The following LRP2 variants were observed in gnomAD, a reference collection of about 807,000 sequenced individuals.
LRP2 encodes low-density lipoprotein receptor-related protein 2.
A neutral mutation model predicts 531.0 loss-of-function variants in LRP2; 172 were observed. The ratio of observed to expected loss-of-function variants is 0.32; its 90% CI spans 0.29 to 0.37. The LOEUF (loss-of-function observed/expected upper bound fraction) is 0.37, where lower values mean the gene tolerates loss of function less well. LRP2 is among the 10% of genes least tolerant of loss of function. LRP2 has a pLI of 1.00. For missense variants in LRP2, 5,167 were observed against 5,868.3 expected, an observed-to-expected ratio of 0.88 and a Z score of 3.90; for synonymous variants, 1,992 against 2,027.6, an observed-to-expected ratio of 0.98 and a Z score of 0.47.
In LRP2 at chr2:169,142,585, A is replaced by G. The variant is rs1318785812; in HGVS notation, c.13108+89T>C. ...TCCAGCCATCCCCACTCTGCTGCAA[A>G]GGACCCAGCATACAGGGATTCTTCT... On this transcript the variant is annotated intron_variant, in intron 71 of 78. Transcript: ENST00000649046. 1.9e-6 allele frequency: 3 copies of G among 1,578,570 alleles called. No individual in the cohort carries two copies. The Admixed American group carries it at 5.0e-5, about 26-fold the overall frequency.
intron 23 of LRP2, 57 bp from the exon 24 acceptor site, chr2:169,243,129 C>A (rs1689869976): frequency 7.2e-7 from 1 of 1,380,120 alleles, no homozygotes; most frequent in Non-Finnish European, 1.0e-6. Flanking sequence ...TGACTAAACA[C>A]TGAGATTTTT....
intron 1 of LRP2, among the ~76,000 whole-genome samples, chr2:169,326,215 C>T (rs1345285978): frequency 8.4e-6 from 1 of 119,464 alleles, no homozygotes; most frequent in Admixed American, 8.4e-5. Flanking sequence ...TCTCCCCTCT[C>T]CCTCTCGGTC....
intron 52 of LRP2, among the ~76,000 whole-genome samples, chr2:169,179,767 T>A (rs1687357086): frequency 6.9e-6 from 1 of 145,302 alleles, no homozygotes; most frequent in Admixed American, 6.8e-5. Flanking sequence ...TCCAGTGATG[T>A]GTTGGTGCAT....
chr2:169,314,089 C>G (rs897996364), intron 3 of LRP2, among the ~76,000 whole-genome samples: 1 of 152,146 alleles, frequency 6.6e-6, no homozygotes, highest in African/African-American at 2.4e-5. Context: ...CAAAACTTAA[C>G]ATGAAAAACC....
intron 78 of LRP2, 54 bp from the exon 79 acceptor site, chr2:169,128,884 C>G: frequency 6.2e-7 from 1 of 1,602,042 alleles, no homozygotes; most frequent in African/African-American, 1.3e-5. Context: ...GGTCACCATA[C>G]ACGGTTTTTC....
intron 1 of LRP2, among the ~76,000 whole-genome samples, chr2:169,360,111 C>A: frequency 8.4e-6 from 1 of 118,352 alleles, no homozygotes. Context: ...GGTGACAGAG[C>A]GAGATTCTGT....
rs536784302 is a variant in LRP2, at chr2:169,248,906, C to T, written c.2771-1391G>A. On this transcript the variant is annotated intron_variant, in intron 19 of 78. Transcript: ENST00000649046. ...CCTGGAAAATCGGGTCACTCCCACC[C>T]GAATATTGCGCTTTTCAGACCGGCT... 8.6e-4 allele frequency among the ~76,000 whole-genome samples: 82 copies of T among 95,046 alleles called. 1 individual carries two copies. Among genetic ancestry groups the T allele is most frequent in the Non-Finnish European group, 1.3e-3 (63 of 47,646 alleles). 62.4% of individuals were successfully genotyped at this position (95,046 alleles called of 152,430 possible). A position where few individuals can be genotyped will look rare whatever the true frequency, so the allele number is the denominator to read the frequency against.
At chr2:169,275,394 T>C in intron 13 of LRP2, 156 bp from the exon 14 acceptor site, 1 of 658,430 alleles carries the variant, frequency 1.5e-6, no homozygotes, top group East Asian at 2.8e-5. Context: ...TGTATACATA[T>C]TTCCATCTAC....
intron 32 of LRP2, among the ~76,000 whole-genome samples, chr2:169,226,013 T>G (rs994185200): frequency 6.6e-6 from 1 of 152,206 alleles, no homozygotes; most frequent in South Asian, 2.1e-4. Context: ...ACTACTTTTA[T>G]CTTGAGTTTT....
intron 67 of LRP2, among the ~76,000 whole-genome samples, chr2:169,151,993 G>A (rs986769234): frequency 1.3e-5 from 2 of 152,210 alleles, no homozygotes; most frequent in Admixed American, 1.3e-4. Flanking sequence ...CAGGAGAGTA[G>A]TGTCTCCTGA....
At chr2:169,295,553 G>A (rs1684114174) in intron 4 of LRP2, among the ~76,000 whole-genome samples, 1 of 152,056 alleles carries the variant, frequency 6.6e-6, no homozygotes, top group African/African-American at 2.4e-5. Context: ...CTTCTTACTG[G>A]AGGCTTTATT....
In LRP2 at chr2:169,247,378, C is replaced by T. The variant is rs1410660976; in HGVS notation, c.2908G>A (p.Gly970Ser). ...LKSYDVNIQT[G>S]SNACNQPTHP... ...AAAAAAACTGGGCAATCTCACTCAC[C>T]AGTCTGGATGTTGACATCATACGAT... The change falls in exon 20 of 79, where the codon GGT becomes AGT. Residue 970 changes from glycine to serine, a missense_variant and splice_region_variant. Transcript: ENST00000649046. 2.5e-6 allele frequency: 4 copies of T among 1,613,964 alleles called. No homozygotes were observed. The African/African-American group carries it at 5.3e-5, about 22-fold the overall frequency.
intron 16 of LRP2, among the ~76,000 whole-genome samples, chr2:169,259,694 A>G (rs1690464330): frequency 1.3e-5 from 2 of 151,930 alleles, no homozygotes; most frequent in African/African-American, 4.8e-5. Context: ...TTTTGAAAAC[A>G]CCAGCAGAGA....
At chr2:169,255,756 G>T (rs532099553) in intron 19 of LRP2, among the ~76,000 whole-genome samples, 1 of 152,246 alleles carries the variant, frequency 6.6e-6, no homozygotes, top group East Asian at 1.9e-4. Flanking sequence ...AGCTCTTGCT[G>T]TTTTATTCTT....
intron 44 of LRP2, among the ~76,000 whole-genome samples, chr2:169,199,219 C>T (rs1449881825): frequency 6.6e-6 from 1 of 152,116 alleles, no homozygotes; most frequent in Non-Finnish European, 1.5e-5. Flanking sequence ...ATGGCATTTC[C>T]ACACAATGGA....
intron 31 of LRP2, among the ~76,000 whole-genome samples, chr2:169,227,680 A>AT (rs1227453478): frequency 6.6e-6 from 1 of 152,064 alleles, no homozygotes; most frequent in Non-Finnish European, 1.5e-5. Flanking sequence ...TGACTTGGTC[A>AT]TTTTTTCTTT....
intron 16 of LRP2, among the ~76,000 whole-genome samples, chr2:169,269,245 A>G (rs1683329523): frequency 6.6e-6 from 1 of 152,194 alleles, no homozygotes; most frequent in African/African-American, 2.4e-5. Flanking sequence ...CAGAATTGGA[A>G]AAAACTACTT....
At chr2:169,353,588 C>T (rs970696940) in intron 1 of LRP2, among the ~76,000 whole-genome samples, 3 of 152,162 alleles carry the variant, frequency 2.0e-5, no homozygotes, top group African/African-American at 4.8e-5. Context: ...GAAGTACATG[C>T]TAGCATGTAT....
chr2:169,239,428 T>C, intron 26 of LRP2, 99 bp downstream of exon 26: 1 of 1,602,828 alleles, frequency 6.2e-7, no homozygotes, highest in Non-Finnish European at 8.5e-7. Flanking sequence ...TTCAAGTCGA[T>C]CTAACTCCTA....
Sources: allele counts gnomAD v4.1 joint callset (sites outside exome capture counted in the v4.1 genomes callset), GRCh38; gene constraint gnomAD v4.1.1; transcripts MANE v1.5; gene names NCBI Gene and HGNC (gene_info 2026-07-23, HGNC 2026-07-21).